The following SLC25A43 variants were observed in gnomAD, a reference collection of about 807,000 sequenced individuals.
SLC25A43 encodes the protein solute carrier family 25, member 43.
SLC25A43 carries 10 observed loss-of-function variants against 22.8 expected under a neutral mutation model. That is an observed-to-expected ratio of 0.44 (90% CI 0.27 to 0.74). SLC25A43 has a LOEUF of 0.74. Ranked by LOEUF, SLC25A43 falls within the 30% of genes least tolerant of loss-of-function variation. The pLI, the probability that SLC25A43 is intolerant of heterozygous loss-of-function variation, is 0.17. For missense variants in SLC25A43, 233 were observed against 279.1 expected (o/e 0.83, Z 1.18); for synonymous variants, 106 against 121.6 (o/e 0.87, Z 0.84).
rs752176958 is a variant in SLC25A43, at chrX:119,423,663, G to A, written c.690+13301G>A. ...CTTTGCTGGGGAGGTTTTTGTCAGG[G>A]ATAAGGATGGGGGCAAACTATGTTA... is the stretch of plus-strand genomic sequence containing the variant. On this transcript the variant is annotated intron_variant, in intron 3 of 4. Transcript: ENST00000217909. The A allele has an allele frequency of 4.5e-5, 5 of 111,686 alleles. No individual in the cohort carries two copies. The Admixed American group carries it at 4.8e-4, about 11-fold the overall frequency. 9.2% of individuals were successfully genotyped at this position (111,686 alleles called of 1,213,427 possible). A position where few individuals can be genotyped will look rare whatever the true frequency, so the allele number is the denominator to read the frequency against.
chrX:119,432,374 G>A (rs1251928229), intron 3 of SLC25A43, among the ~76,000 whole-genome samples: 2 of 111,843 alleles, frequency 1.8e-5, no homozygotes, highest in African/African-American at 6.5e-5. Context: ...TCTCGTGGGG[G>A]TAGAGATGAA....
chrX:119,444,728 T>A (rs1382920214), intron 3 of SLC25A43, among the ~76,000 whole-genome samples: 2 of 97,027 alleles, frequency 2.1e-5, no homozygotes, highest in Non-Finnish European at 4.1e-5. Context: ...AAGAAGAAAT[T>A]GAAGCTCAGA....
intron 3 of SLC25A43, among the ~76,000 whole-genome samples, chrX:119,419,584 A>G (rs193267191): frequency 9.0e-6 from 1 of 111,343 alleles, no homozygotes; most frequent in East Asian, 2.8e-4. Flanking sequence ...TTTCATGTTC[A>G]TATCTACATC....
At chrX:119,446,410 G>A (rs2052669059) in intron 3 of SLC25A43, among the ~76,000 whole-genome samples, 1 of 111,806 alleles carries the variant, frequency 8.9e-6, no homozygotes, top group African/African-American at 3.3e-5. Context: ...TATGACCTTG[G>A]TCAAATCACT....
chrX:119,433,740 G>A (rs1051779023), intron 3 of SLC25A43, among the ~76,000 whole-genome samples: 2 of 111,765 alleles, frequency 1.8e-5, no homozygotes, highest in Non-Finnish European at 3.8e-5. Flanking sequence ...AAGGTCAAAT[G>A]ATGGGTAAGG....
chrX:119,451,187 G>A (rs62599432), intron 3 of SLC25A43, among the ~76,000 whole-genome samples: 9,185 of 110,829 alleles, frequency 0.083, 289 homozygotes, highest in African/African-American at 0.097. Context: ...AATATTAAAG[G>A]AGAAAACGTT....
chrX:119,447,909 G>A (rs2052679901), intron 3 of SLC25A43, among the ~76,000 whole-genome samples: 1 of 110,831 alleles, frequency 9.0e-6, no homozygotes, highest in South Asian at 3.8e-4. Context: ...CTCCGGCCCT[G>A]ACCTCTCCCC....
At chrX:119,441,710 C>G (rs1009627005) in intron 3 of SLC25A43, among the ~76,000 whole-genome samples, 1 of 111,101 alleles carries the variant, frequency 9.0e-6, no homozygotes, top group African/African-American at 3.3e-5. Flanking sequence ...CTGGGAAGCA[C>G]CAAGAAATTT....
chrX:119,405,325 T>C (rs924455179), intron 1 of SLC25A43, among the ~76,000 whole-genome samples: 2 of 110,565 alleles, frequency 1.8e-5, no homozygotes, highest in Non-Finnish European at 3.8e-5. Flanking sequence ...AGAGCTAGCC[T>C]AGAACCCCTT....
intron 3 of SLC25A43, among the ~76,000 whole-genome samples, chrX:119,432,589 G>A (rs1056899594): frequency 2.7e-5 from 3 of 109,801 alleles, no homozygotes; most frequent in Non-Finnish European, 5.7e-5. Context: ...AGGATTTCGA[G>A]ACCAGCCTGG....
At chrX:119,434,842 TGAGACAGAGTCC>T (rs2052586465) in intron 3 of SLC25A43, 1 of 108,756 alleles carries the variant, frequency 9.2e-6, no homozygotes, top group Admixed American at 9.9e-5. Flanking sequence ...AAAAAAATTT[TGAGACAGAGTCC>T]GCTGCGACGT....
At chrX:119,420,955 C>CA (rs1234637355) in intron 3 of SLC25A43, among the ~76,000 whole-genome samples, 1 of 109,745 alleles carries the variant, frequency 9.1e-6, no homozygotes, top group African/African-American at 3.3e-5. Flanking sequence ...AAAACACACA[C>CA]AAAAAAATTA....
intron 2 of SLC25A43, among the ~76,000 whole-genome samples, chrX:119,408,260 C>T (rs144799624): frequency 9.0e-6 from 1 of 111,326 alleles, no homozygotes; most frequent in East Asian, 2.8e-4. Flanking sequence ...GGAAATACCA[C>T]TCCCTTTATA....
intron 3 of SLC25A43, among the ~76,000 whole-genome samples, chrX:119,449,139 C>T (rs1260212917): frequency 9.0e-6 from 1 of 110,632 alleles, no homozygotes; most frequent in Non-Finnish European, 1.9e-5. Context: ...TGAGGCCGGG[C>T]ACGGTGGCTC....
chrX:119,432,739 G>T (rs2052563071), intron 3 of SLC25A43, among the ~76,000 whole-genome samples: 1 of 101,333 alleles, frequency 9.9e-6, no homozygotes, highest in Non-Finnish European at 2.0e-5. Context: ...AGTAAGCCAA[G>T]ATCGTGCCAC....
At chrX:119,414,185 C>G (rs1438601965) in intron 3 of SLC25A43, among the ~76,000 whole-genome samples, 1 of 112,358 alleles carries the variant, frequency 8.9e-6, no homozygotes, top group Non-Finnish European at 1.9e-5. Flanking sequence ...TGATTATAAG[C>G]AAGGTTGCAC....
chrX:119,420,593 C>A (rs2052443640), intron 3 of SLC25A43, among the ~76,000 whole-genome samples: 1 of 111,754 alleles, frequency 8.9e-6, no homozygotes, highest in Non-Finnish European at 1.9e-5. Context: ...CAGGCATGAG[C>A]CACTGTACTC....
chrX:119,429,415 A>G (rs1478845549), intron 3 of SLC25A43, among the ~76,000 whole-genome samples: 1 of 112,009 alleles, frequency 8.9e-6, no homozygotes, highest in Non-Finnish European at 1.9e-5. Flanking sequence ...GAACAACCAA[A>G]ACGTTGCCTC....
At chrX:119,413,663 C>T (rs1471827435) in intron 3 of SLC25A43, among the ~76,000 whole-genome samples, 2 of 106,016 alleles carry the variant, frequency 1.9e-5, no homozygotes, top group African/African-American at 6.9e-5. Context: ...GCCGAGATTG[C>T]ACCACTGCAC....
Sources: gnomAD v4.1 joint callset for allele counts (sites outside exome capture counted in the v4.1 genomes callset) on GRCh38, gnomAD v4.1.1 for gene constraint, MANE v1.5 for transcripts, NCBI Gene and HGNC (gene_info 2026-07-23, HGNC 2026-07-21) for gene names.